The following MAGI3 variants were observed in gnomAD, a reference collection of about 807,000 sequenced individuals.
The protein encoded by MAGI3 is membrane associated guanylate kinase, WW and PDZ domain containing 3, also known as membrane-associated guanylate kinase, WW and PDZ domain-containing protein 3.
MAGI3 carries 43 observed loss-of-function variants against 121.8 expected under a neutral mutation model. The ratio of observed to expected loss-of-function variants is 0.35; its 90% CI spans 0.28 to 0.46. The LOEUF (loss-of-function observed/expected upper bound fraction) is 0.46. Among genes scored for constraint, MAGI3 ranks in the 20% least tolerant of loss-of-function variants. The probability of loss-of-function intolerance (pLI) is 1.00; values close to 1 mark genes in which losing one functional copy is unlikely to be tolerated. For missense variants in MAGI3, 1,547 were observed against 1,797.3 expected, an observed-to-expected ratio of 0.86 and a Z score of 2.52; for synonymous variants, 553 against 639.3, an observed-to-expected ratio of 0.86 and a Z score of 2.04.
At chr1:113,522,727 T>G (rs1298154907) in intron 1 of MAGI3, among the ~76,000 whole-genome samples, 1 of 152,222 alleles carries the variant, frequency 6.6e-6, no homozygotes, top group African/African-American at 2.4e-5. Context: ...ACATACCCTT[T>G]GCTTGAACTA....
intron 19 of MAGI3, among the ~76,000 whole-genome samples, chr1:113,674,331 G>A (rs1344526895): frequency 1.3e-5 from 2 of 151,078 alleles, no homozygotes; most frequent in African/African-American, 2.4e-5. Flanking sequence ...GGCAGAGGTC[G>A]GAGTGTGCCG....
chr1:113,391,510 G>T lies in MAGI3; in HGVS notation c.316+161G>T, dbSNP rs1488748022. Among the ~76,000 whole-genome samples, 1 of 152,128 alleles carries T rather than the reference G, an allele frequency of 6.6e-6. No individual in the cohort carries two copies. The highest frequency in any genetic ancestry group is 1.5e-5 in the Non-Finnish European group (1 of 68,028). On this transcript the variant is annotated intron_variant, in intron 1 of 20. Coordinates refer to ENST00000307546, the MANE Select transcript of MAGI3 (RefSeq NM_001142782.2). The surrounding 1 kb of genome is among the most constrained non-coding windows in gnomAD (Gnocchi z 4.4). ...GACGAGGGGGAGGGGTGGCGTTGGT[G>T]AGTCCCATTTTGCCGAAGGGAAAAC...
chr1:113,416,281 AC>A (rs1390353904), intron 1 of MAGI3, among the ~76,000 whole-genome samples: 5 of 27,484 alleles, frequency 1.8e-4, no homozygotes, highest in African/African-American at 6.6e-4. Context: ...AATTAATTAC[AC>A]ATATTAATTA....
chr1:113,454,036 T>G (rs1421087831), intron 1 of MAGI3, among the ~76,000 whole-genome samples: 1 of 152,208 alleles, frequency 6.6e-6, no homozygotes, highest in Non-Finnish European at 1.5e-5. Flanking sequence ...AAACAGAGCA[T>G]ATACCTCAGA....
At chr1:113,466,461 T>A (rs1655290814) in intron 1 of MAGI3, among the ~76,000 whole-genome samples, 1 of 152,178 alleles carries the variant, frequency 6.6e-6, no homozygotes, top group Non-Finnish European at 1.5e-5. Flanking sequence ...TTTTGTTGTG[T>A]CCTTATCTGT....
intron 1 of MAGI3, among the ~76,000 whole-genome samples, chr1:113,434,834 G>A (rs1438256165): frequency 6.6e-6 from 1 of 152,214 alleles, no homozygotes; most frequent in African/African-American, 2.4e-5. Flanking sequence ...CTTACTGCAA[G>A]TGCAGTATTT....
chr1:113,406,632 G>T (rs1284376429), intron 1 of MAGI3, among the ~76,000 whole-genome samples: 3 of 151,882 alleles, frequency 2.0e-5, no homozygotes, highest in Non-Finnish European at 4.4e-5. Context: ...AGTATTAAAG[G>T]CTGAGTGTGG....
At chr1:113,618,283 G>A (rs180706019) in intron 7 of MAGI3, among the ~76,000 whole-genome samples, 96 of 152,130 alleles carry the variant, frequency 6.3e-4, no homozygotes, top group African/African-American at 2.2e-3. Context: ...GCTGCAGTGA[G>A]CTGTGATTGG....
intron 1 of MAGI3, among the ~76,000 whole-genome samples, chr1:113,464,268 TGGATTA>T (rs938732383): frequency 2.0e-5 from 3 of 152,064 alleles, no homozygotes; most frequent in African/African-American, 7.2e-5. Flanking sequence ...TTTTACTGCT[TGGATTA>T]TTTCTTGACA....
At chr1:113,534,480 G>C (rs2101646030) in intron 1 of MAGI3, among the ~76,000 whole-genome samples, 1 of 152,112 alleles carries the variant, frequency 6.6e-6, no homozygotes, top group African/African-American at 2.4e-5. Context: ...TGCCCACTGT[G>C]CTCCCTCTAT....
At chr1:113,632,796 CAT>C (rs1424795231) in intron 9 of MAGI3, among the ~76,000 whole-genome samples, 3 of 152,148 alleles carry the variant, frequency 2.0e-5, no homozygotes, top group Non-Finnish European at 4.4e-5. Context: ...AAAATACACT[CAT>C]AAATTAACAT....
chr1:113,594,682 G>A (rs1648890084), intron 6 of MAGI3, 122 bp downstream of exon 6: 1 of 594,158 alleles, frequency 1.7e-6, no homozygotes, highest in East Asian at 3.0e-5. Context: ...CAAAAAAGCA[G>A]TGGGTGGATA....
chr1:113,519,074 C>T (rs1415437377), intron 1 of MAGI3, among the ~76,000 whole-genome samples: 1 of 152,000 alleles, frequency 6.6e-6, no homozygotes, highest in East Asian at 1.9e-4. Flanking sequence ...CTAATTCTCT[C>T]TATGAAAACA....
At chr1:113,601,165 G>A (rs1649352166) in intron 6 of MAGI3, among the ~76,000 whole-genome samples, 2 of 151,786 alleles carry the variant, frequency 1.3e-5, no homozygotes, top group African/African-American at 4.8e-5. Context: ...CATGGGCAAG[G>A]ACTTCATGTC....
At chr1:113,533,785 CTTTTTT>C (rs77624151) in intron 1 of MAGI3, among the ~76,000 whole-genome samples, 1 of 135,296 alleles carries the variant, frequency 7.4e-6, no homozygotes, top group Non-Finnish European at 1.6e-5. Context: ...TTTTCTTTTT[CTTTTTT>C]TTTTTTTTTG....
At chr1:113,619,881 A>G in intron 8 of MAGI3, 51 bp downstream of exon 8, 2 of 1,321,618 alleles carry the variant, frequency 1.5e-6, no homozygotes, top group Non-Finnish European at 2.2e-6. Flanking sequence ...TGAAATTTGT[A>G]TGCTGAGTTA....
At chr1:113,454,972 A>T (rs1430600857) in intron 1 of MAGI3, among the ~76,000 whole-genome samples, 3 of 152,190 alleles carry the variant, frequency 2.0e-5, no homozygotes, top group Non-Finnish European at 4.4e-5. Context: ...AATAAACAAG[A>T]AGTAGAACCA....
intron 1 of MAGI3, among the ~76,000 whole-genome samples, chr1:113,535,244 G>GA (rs1398345876): frequency 6.6e-6 from 1 of 151,420 alleles, no homozygotes; most frequent in Non-Finnish European, 1.5e-5. Flanking sequence ...AAGAATAGGG[G>GA]AAAAAACAGA....
At chr1:113,576,288 A>G (rs939784137) in intron 2 of MAGI3, among the ~76,000 whole-genome samples, 2 of 152,132 alleles carry the variant, frequency 1.3e-5, no homozygotes, top group African/African-American at 4.8e-5. Context: ...CTTGAAACCC[A>G]GGGCCCTGGT....
Sources: allele counts gnomAD v4.1 joint callset (sites outside exome capture counted in the v4.1 genomes callset), GRCh38; gene constraint gnomAD v4.1.1; non-coding constraint Gnocchi (gnomAD v3.1); transcripts MANE v1.5; gene names NCBI Gene and HGNC (gene_info 2026-07-23, HGNC 2026-07-21).